Variants in EPB41L4A observed in about 807,000 individuals in gnomAD.
EPB41L4A encodes erythrocyte membrane protein band 4.1 like 4A, also known as band 4.1-like protein 4A.
A neutral mutation model predicts 108.6 loss-of-function variants in EPB41L4A; 100 were observed. That is an observed-to-expected ratio of 0.92 (90% CI 0.78 to 1.09). The LOEUF (loss-of-function observed/expected upper bound fraction) is 1.09. EPB41L4A is among the 50% of genes least tolerant of loss of function. EPB41L4A has a pLI of 0.00. For synonymous variants in EPB41L4A, 319 were observed against 289.0 expected, an observed-to-expected ratio of 1.10 and a Z score of -1.05; for missense variants, 1,030 against 842.7, an observed-to-expected ratio of 1.22 and a Z score of -2.75.
chr5:112,215,197 T>C (rs1747529819), intron 12 of EPB41L4A, among the ~76,000 whole-genome samples: 1 of 152,230 alleles, frequency 6.6e-6, no homozygotes, highest in Non-Finnish European at 1.5e-5. Context: ...TGGTGGTACC[T>C]GAGACGCATG....
rs1406268864 is a variant in EPB41L4A at position 112,266,349 on chromosome 5, G to T, written c.336-19C>A. 1 of 1,549,358 alleles carries T rather than the reference G, an allele frequency of 6.5e-7. No homozygotes were observed. Among genetic ancestry groups the T allele is most frequent in the South Asian group, 1.2e-5 (1 of 84,078 alleles). On this transcript the variant is annotated intron_variant, in intron 4 of 22. Coordinates refer to ENST00000261486, the MANE Select transcript of EPB41L4A (RefSeq NM_022140.5). Reference sequence around the variant, plus strand: ...CTGATATCTAAAAGAGAAACAAAAAGAGAGATTAACGATCTCTTACACTAC... The same window carrying T: ...CTGATATCTAAAAGAGAAACAAAAATAGAGATTAACGATCTCTTACACTAC...
intron 12 of EPB41L4A, among the ~76,000 whole-genome samples, chr5:112,225,784 G>T (rs752681762): frequency 6.6e-6 from 1 of 152,040 alleles, no homozygotes; most frequent in Non-Finnish European, 1.5e-5. Flanking sequence ...AGATCATTTC[G>T]TATCTGTACA....
intron 4 of EPB41L4A, among the ~76,000 whole-genome samples, chr5:112,270,975 G>C (rs190485871): frequency 7.2e-5 from 11 of 152,170 alleles, no homozygotes; most frequent in Non-Finnish European, 1.2e-4. Flanking sequence ...ATCCTTAAAA[G>C]TTCAGGGACA....
intron 17 of EPB41L4A, among the ~76,000 whole-genome samples, chr5:112,190,170 A>T (rs929485187): frequency 6.6e-6 from 1 of 152,222 alleles, no homozygotes; most frequent in Non-Finnish European, 1.5e-5. Flanking sequence ...TGTTTCACAA[A>T]TTAGTATAGC....
chr5:112,288,691 C>T (rs1753443974), intron 2 of EPB41L4A, among the ~76,000 whole-genome samples: 1 of 152,154 alleles, frequency 6.6e-6, no homozygotes, highest in Non-Finnish European at 1.5e-5. Context: ...GCATGTTCCA[C>T]CACTGTATGT....
chr5:112,227,694 C>T (rs1452195193), intron 12 of EPB41L4A, among the ~76,000 whole-genome samples: 1 of 152,198 alleles, frequency 6.6e-6, no homozygotes, highest in Non-Finnish European at 1.5e-5. Context: ...ACAAGCCACA[C>T]TGAGGTTCTG....
rs958370529 is a variant in EPB41L4A at position 112,240,230 on chromosome 5, C to T, written c.887+489G>A. Among the ~76,000 whole-genome samples, 7 of 152,296 alleles carry T rather than the reference C, an allele frequency of 4.6e-5. No individual in the cohort carries two copies. In the East Asian group the frequency reaches 9.7e-4, roughly 21 times the overall value. On this transcript the variant is annotated intron_variant, in intron 10 of 22. Coordinates refer to ENST00000261486, the MANE Select transcript of EPB41L4A (RefSeq NM_022140.5). The stretch of plus-strand genomic sequence containing the variant: ...ACCAAGCTCAGTCCTTGGAGTTCTG[C>T]TTCTCTCTCCACTGTTTCCACTGGT...
At chr5:112,308,424 G>C (rs1385653407) in intron 1 of EPB41L4A, among the ~76,000 whole-genome samples, 1 of 152,160 alleles carries the variant, frequency 6.6e-6, no homozygotes, top group Non-Finnish European at 1.5e-5. Context: ...GTTAACATGA[G>C]AGAAATGTTT....
At chr5:112,353,051 T>C (rs957979470) in intron 1 of EPB41L4A, among the ~76,000 whole-genome samples, 1 of 152,222 alleles carries the variant, frequency 6.6e-6, no homozygotes, top group African/African-American at 2.4e-5. Flanking sequence ...TCTGGATACA[T>C]ACAGCAGTGT....
chr5:112,266,524 G>T (rs1228183406), intron 4 of EPB41L4A, among the ~76,000 whole-genome samples, 194 bp from the exon 5 acceptor site: 1 of 152,158 alleles, frequency 6.6e-6, no homozygotes, highest in South Asian at 2.1e-4. Context: ...CACGGTTGTC[G>T]CTAAAAAGTG....
At chr5:112,221,412 T>C (rs1748039200) in intron 12 of EPB41L4A, among the ~76,000 whole-genome samples, 1 of 152,232 alleles carries the variant, frequency 6.6e-6, no homozygotes, top group Admixed American at 6.5e-5. Flanking sequence ...TTCTCAGCTC[T>C]GCCAGTTTAC....
At chr5:112,219,886 G>C (rs560952373) in intron 12 of EPB41L4A, among the ~76,000 whole-genome samples, 3 of 152,122 alleles carry the variant, frequency 2.0e-5, no homozygotes, top group Non-Finnish European at 4.4e-5. Context: ...AGTAGAGATA[G>C]GGTTTCACCA....
At chr5:112,322,282 C>T (rs534062909) in intron 1 of EPB41L4A, among the ~76,000 whole-genome samples, 1 of 152,344 alleles carries the variant, frequency 6.6e-6, no homozygotes, top group African/African-American at 2.4e-5. Context: ...CATAGGCTAA[C>T]TTAGCCAAGA....
At chr5:112,150,364 A>G (rs184873386) in intron 12 of EPB41L4A, among the ~76,000 whole-genome samples, 1 of 152,350 alleles carries the variant, frequency 6.6e-6, no homozygotes. Context: ...AGAGTATCAG[A>G]GTATTGAATA....
intron 18 of EPB41L4A, among the ~76,000 whole-genome samples, chr5:112,174,010 T>C (rs76685044): frequency 0.013 from 1,980 of 152,296 alleles, 24 homozygotes; most frequent in Middle Eastern, 0.027. Flanking sequence ...TCCTAAAAGA[T>C]TGAAGAGTTT....
At chr5:112,144,732 T>C (rs1245507670) in intron 13 of EPB41L4A, among the ~76,000 whole-genome samples, 1 of 152,190 alleles carries the variant, frequency 6.6e-6, no homozygotes, top group South Asian at 2.1e-4. Flanking sequence ...AAAGTAGCAA[T>C]GACATCCCAG....
intron 17 of EPB41L4A, among the ~76,000 whole-genome samples, chr5:112,184,967 C>A (rs1761350543): frequency 1.3e-5 from 2 of 152,188 alleles, no homozygotes; most frequent in Non-Finnish European, 2.9e-5. Context: ...ACTCAACCTG[C>A]AGAAATTTTG....
At chr5:112,222,824 GC>G (rs1327369188) in intron 12 of EPB41L4A, among the ~76,000 whole-genome samples, 1 of 152,128 alleles carries the variant, frequency 6.6e-6, no homozygotes, top group Non-Finnish European at 1.5e-5. Context: ...GAAGAGAGGA[GC>G]AAGTCCACTG....
chr5:112,223,391 C>A (rs1226861634), intron 12 of EPB41L4A, among the ~76,000 whole-genome samples: 1 of 152,086 alleles, frequency 6.6e-6, no homozygotes, highest in East Asian at 1.9e-4. Context: ...AAAATCAATC[C>A]CAGAGTTTTC....
Sources: gnomAD v4.1 joint callset for allele counts (sites outside exome capture counted in the v4.1 genomes callset) on GRCh38, gnomAD v4.1.1 for gene constraint, MANE v1.5 for transcripts, NCBI Gene and HGNC (gene_info 2026-07-23, HGNC 2026-07-21) for gene names.